The following ERAP1 variants were observed in gnomAD, a reference collection of about 807,000 sequenced individuals.
The protein encoded by ERAP1 is adipocyte-derived leucine aminopeptidase.
Under a neutral mutation model 103.7 loss-of-function variants are expected in ERAP1, and 86 were observed. The observed-to-expected ratio is 0.83, with a 90% confidence interval of 0.70 to 0.99. The LOEUF (loss-of-function observed/expected upper bound fraction) is 0.99, where lower values mean the gene tolerates loss of function less well. Among genes scored for constraint, ERAP1 ranks in the 50% least tolerant of loss-of-function variants. The pLI, the probability that ERAP1 is intolerant of heterozygous loss-of-function variation, is 0.00. For synonymous variants in ERAP1, 398 were observed against 402.4 expected, an observed-to-expected ratio of 0.99 and a Z score of 0.13; for missense variants, 1,009 against 1,128.4, an observed-to-expected ratio of 0.89 and a Z score of 1.52.
chr5:96,779,135 C>T (rs879049211), intron 18 of ERAP1, among the ~76,000 whole-genome samples: 2 of 152,212 alleles, frequency 1.3e-5, no homozygotes, highest in Admixed American at 1.3e-4. Context: ...CATGTAACTA[C>T]TTGACATTGG....
At chr5:96,786,598 A>AAG in intron 11 of ERAP1, 49 bp from the exon 12 acceptor site, 2 of 1,252,430 alleles carry the variant, frequency 1.6e-6, no homozygotes, top group Non-Finnish European at 2.3e-6. Flanking sequence ...CAATTCAACA[A>AAG]GCAGTTATTA....
chr5:96,933,352 C>A, the ERAP1 span, among the ~76,000 whole-genome samples: 2 of 151,712 alleles, frequency 1.3e-5, no homozygotes, highest in African/African-American at 4.8e-5. Flanking sequence ...CATGCCTCAC[C>A]CTCCGGAATA....
At chr5:96,848,165 C>T in the ERAP1 span, among the ~76,000 whole-genome samples, 7,277 of 152,288 alleles carry the variant, frequency 0.048, 215 homozygotes, top group South Asian at 0.11. Context: ...TCTCCTGCCT[C>T]AGCCTCCAGA....
chr5:96,845,566 A>T, the ERAP1 span, among the ~76,000 whole-genome samples: 1 of 152,200 alleles, frequency 6.6e-6, no homozygotes, highest in South Asian at 2.1e-4. Context: ...ATATAAGTAA[A>T]TATTTTACAC....
At chr5:96,897,664 G>C in the ERAP1 span, among the ~76,000 whole-genome samples, 1 of 152,006 alleles carries the variant, frequency 6.6e-6, no homozygotes, top group Non-Finnish European at 1.5e-5. Context: ...AATAGGAAAG[G>C]CAAAGCAGAA....
chr5:96,816,517 A>G, the ERAP1 span, among the ~76,000 whole-genome samples: 3 of 152,222 alleles, frequency 2.0e-5, no homozygotes, highest in Non-Finnish European at 4.4e-5. Context: ...CAACTTAGGC[A>G]CAGGTGCAAC....
chr5:96,768,002 A>G (rs564684532), intron 19 of ERAP1: 1 of 1,591,264 alleles, frequency 6.3e-7, no homozygotes, highest in East Asian at 2.2e-5. Flanking sequence ...CAGCAAAGGT[A>G]CTGTGCTTTT....
At chr5:96,846,390 T>C in the ERAP1 span, among the ~76,000 whole-genome samples, 1 of 152,282 alleles carries the variant, frequency 6.6e-6, no homozygotes, top group South Asian at 2.1e-4. Flanking sequence ...TCTTAAAAAA[T>C]AATCCTGATT....
At chr5:96,771,738 G>A (rs867964406), downstream of ERAP1, 1 of 1,314,426 alleles carries the variant, frequency 7.6e-7, no homozygotes, top group African/African-American at 1.5e-5. Flanking sequence ...GAAGACAACT[G>A]TATCTTCTGC....
chr5:96,902,187 G>A, the ERAP1 span: 2 of 871,000 alleles, frequency 2.3e-6, no homozygotes, highest in East Asian at 4.9e-5. Flanking sequence ...GTACTTAGGT[G>A]CCTTTTACAG....
chr5:96,873,180 CTT>C, the ERAP1 span: 4 of 367,598 alleles, frequency 1.1e-5, no homozygotes, highest in East Asian at 1.5e-4. Context: ...CAGAGTGAGA[CTT>C]TGTCAAAAAA....
At chr5:96,912,758 T>A in the ERAP1 span, 13 of 1,601,526 alleles carry the variant, frequency 8.1e-6, no homozygotes, top group African/African-American at 2.7e-5. Flanking sequence ...CAAAATTCTG[T>A]ATGCTTTGTC....
chr5:96,869,142 T>C, the ERAP1 span, among the ~76,000 whole-genome samples: 2 of 151,252 alleles, frequency 1.3e-5, no homozygotes, highest in Admixed American at 1.3e-4. Context: ...TGACACTGAT[T>C]GTAATTTAAA....
intron 11 of ERAP1, among the ~76,000 whole-genome samples, chr5:96,787,784 T>TTATA (rs1554113047): frequency 6.7e-6 from 1 of 149,982 alleles, no homozygotes; most frequent in African/African-American, 2.5e-5. Context: ...GGTGTATATA[T>TTATA]TATATATATA....
chr5:96,843,158 C>G, the ERAP1 span, among the ~76,000 whole-genome samples: 894 of 152,290 alleles, frequency 5.9e-3, 8 homozygotes, highest in African/African-American at 0.02. Flanking sequence ...TGAAAGTACA[C>G]TCCACAGGGT....
At chr5:96,881,395 T>G in the ERAP1 span, 1 of 455,818 alleles carries the variant, frequency 2.2e-6, no homozygotes, top group African/African-American at 2.0e-5. Context: ...GACATATTGG[T>G]CATGTGAGGT....
the ERAP1 span, among the ~76,000 whole-genome samples, chr5:96,864,998 G>T: frequency 6.6e-6 from 1 of 152,082 alleles, no homozygotes; most frequent in Admixed American, 6.6e-5. Context: ...ACAAGCCCTG[G>T]ACTAAAGCTA....
the ERAP1 span, chr5:96,909,833 A>C: frequency 6.7e-7 from 1 of 1,497,296 alleles, no homozygotes; most frequent in East Asian, 2.3e-5. Context: ...ATCAAGCAAG[A>C]CATTAGGTCT....
chr5:96,780,408 A>ATTT lies in ERAP1; in HGVS notation c.2670+12_2670+14dup. The ATTT allele has an allele frequency of 5.0e-6, 7 of 1,387,304 alleles. No homozygotes were observed. Among genetic ancestry groups the ATTT allele is most frequent in the Admixed American group, 2.0e-5 (1 of 50,342 alleles). The allele number at this position is 1,387,304 out of a possible 1,614,324, so 85.9% of individuals were successfully genotyped here. ...TTTATGTTTAAAAATATATATATAGATTTTTTTTTTTTACCTCTTCAAGCC... is the reference window on the plus strand; with the variant it reads ...TTTATGTTTAAAAATATATATATAGATTTTTTTTTTTTTTTACCTCTTCAAGCC... On this transcript the variant is annotated intron_variant, in intron 18 of 18. Coordinates refer to ENST00000443439, the MANE Select transcript of ERAP1 (RefSeq NM_001040458.3).
Sources: gnomAD v4.1 joint callset for allele counts (sites outside exome capture counted in the v4.1 genomes callset) on GRCh38, gnomAD v4.1.1 for gene constraint, MANE v1.5 for transcripts, NCBI Gene and HGNC (gene_info 2026-07-23, HGNC 2026-07-21) for gene names.